GLRX: variants seen among roughly 807,000 people sequenced by gnomAD.
The protein encoded by GLRX is glutaredoxin-1.
A neutral mutation model predicts 11.1 loss-of-function variants in GLRX; 9 were observed. The ratio of observed to expected loss-of-function variants is 0.81; its 90% confidence interval spans 0.49 to 1.42. The LOEUF (loss-of-function observed/expected upper bound fraction) is 1.42, where lower values mean the gene tolerates loss of function less well. Ranked by LOEUF, GLRX falls within the 40% of genes most tolerant of loss-of-function variation. GLRX has a pLI of 0.00. For missense variants in GLRX, 102 were observed against 126.2 expected (o/e 0.81, Z 0.92); for synonymous variants, 49 against 49.5 (o/e 0.99, Z 0.04).
chr5:95,820,373 A>C (rs1369816532), intron 1 of GLRX, among the ~76,000 whole-genome samples: 1 of 150,944 alleles, frequency 6.6e-6, no homozygotes, highest in Non-Finnish European at 1.5e-5. Context: ...AAAAAAAAAA[A>C]AACCTTAAAA....
At chr5:95,819,149 C>G (rs2112867248) in intron 1 of GLRX, 1 of 152,290 alleles carries the variant, frequency 6.6e-6, no homozygotes, top group East Asian at 1.9e-4. Flanking sequence ...TTGTTTGTCT[C>G]CCCCACTAGA....
chr5:95,816,219 CTAAAATA>C (rs749391860), intron 2 of GLRX, among the ~76,000 whole-genome samples: 12 of 152,290 alleles, frequency 7.9e-5, no homozygotes, highest in South Asian at 2.1e-4. Flanking sequence ...GTCTACCTCT[CTAAAATA>C]TAAGTTCCAG....
intron 1 of GLRX, among the ~76,000 whole-genome samples, chr5:95,819,897 C>CAAAA (rs35347478): frequency 0.054 from 2,890 of 53,986 alleles, 278 homozygotes; most frequent in Non-Finnish European, 0.06. Context: ...GACTCCGTCT[C>CAAAA]AAAAAAAAAA....
rs4561 is a variant in GLRX at position 95,816,609 on chromosome 5, A to G, written c.225T>C (p.Ile75=). 621,181 of 1,580,096 alleles carry G rather than the reference A, an allele frequency of 0.39. 125,296 individuals carry two copies. The highest frequency in any genetic ancestry group is 0.47 in the Middle Eastern group (2,828 of 5,986). Residue 75 remains isoleucine, a synonymous_variant, in exon 2 of 3, where the codon ATT becomes ATC. Transcript: ENST00000237858. ...TGCATCCGCCTATACAATCTTTACC[A>G]ATAAAGACTCGAGGCACCTAAAAAA... ...TGARTVPRVF[I]GKDCIGGCSD...
Position 95,814,306 on chromosome 5 carries a change from C to G in GLRX, c.*90G>C, listed in dbSNP as rs1746903189. On this transcript the variant is annotated 3_prime_UTR_variant, in exon 3 of 3. Coordinates refer to ENST00000237858, the MANE Select transcript of GLRX (RefSeq NM_001118890.2). ...ACTTGTGCCTCTGATCCATATGACA[C>G]CAAGACCAACTATGCTTTTCATATG... The G allele has an allele frequency of 6.6e-6, 1 of 152,654 alleles. No individual in the cohort carries two copies. Among genetic ancestry groups the G allele is most frequent in the Admixed American group, 6.5e-5 (1 of 15,274 alleles). The allele number at this position is 152,654 out of a possible 1,614,324, so 9.5% of individuals were successfully genotyped here.
chr5:95,819,928 G>A (rs1056554026), intron 1 of GLRX, among the ~76,000 whole-genome samples: 5 of 135,198 alleles, frequency 3.7e-5, no homozygotes, highest in South Asian at 4.8e-4. Flanking sequence ...AAAAACCCTC[G>A]GGAGCTTTCA....
chr5:95,822,597 G>T lies in GLRX; in HGVS notation c.66C>A (p.Thr22=). Residue 22 remains threonine, a synonymous_variant, in exon 1 of 3, where the codon ACC becomes ACA. Transcript: ENST00000237858. ...PGKVVVFIKP[T]CPYCRRAQEI... is the part of the protein sequence containing the mutation. Reference sequence around the variant, plus strand: ...CTTGGGCCCTCCTGCAGTACGGGCAGGTGGGCTTGATGAACACAACCACCT... The same window carrying T: ...CTTGGGCCCTCCTGCAGTACGGGCATGTGGGCTTGATGAACACAACCACCT... 1 of 1,613,954 alleles carries T rather than the reference G, an allele frequency of 6.2e-7. No homozygotes were observed. Among genetic ancestry groups the T allele is most frequent in the Non-Finnish European group, 8.5e-7 (1 of 1,179,834 alleles).
Position 95,822,594 on chromosome 5 carries a change from G to T in GLRX, c.69C>A (p.Cys23Ter), listed in dbSNP as rs748989903. ...GKVVVFIKPT[C>*]PYCRRAQEIL... is the part of the protein sequence containing the mutation. Reference sequence around the variant, plus strand: ...TCTCTTGGGCCCTCCTGCAGTACGGGCAGGTGGGCTTGATGAACACAACCA... The same window carrying T: ...TCTCTTGGGCCCTCCTGCAGTACGGTCAGGTGGGCTTGATGAACACAACCA... The change falls in exon 1 of 3, where the codon TGC (cysteine) becomes TGA (stop). Residue 23 changes from cysteine to a stop codon, truncating the protein, a stop_gained. Coordinates refer to ENST00000237858, the MANE Select transcript of GLRX (RefSeq NM_001118890.2). LOFTEE classifies it high-confidence loss of function. 6.2e-7 allele frequency: 1 copy of T among 1,613,758 alleles called. No homozygotes were observed. Among genetic ancestry groups the T allele is most frequent in the African/African-American group, 1.3e-5 (1 of 74,898 alleles).
intron 2 of GLRX, among the ~76,000 whole-genome samples, chr5:95,815,633 G>T (rs182317550): frequency 3.9e-5 from 6 of 152,206 alleles, no homozygotes; most frequent in African/African-American, 1.4e-4. Flanking sequence ...GCTAGCTAGC[G>T]CTAGCTGTGC....
intron 1 of GLRX, chr5:95,819,400 GA>G (rs1747129694): frequency 6.6e-6 from 1 of 152,192 alleles, no homozygotes; most frequent in Non-Finnish European, 1.5e-5. Flanking sequence ...AGAGAGAAGG[GA>G]AATGATATAG....
In GLRX at chr5:95,822,715, G is replaced by T; in HGVS notation, c.-53C>A. On this transcript the variant is annotated 5_prime_UTR_variant, in exon 1 of 3. Transcript: ENST00000237858. ...GAATCCTCAGTTGCAGGTATTGCTT[G>T]GGGTATTGAGCCCCGACCCAGCCAG... The T allele has an allele frequency of 1.3e-6, 2 of 1,486,228 alleles. No individual in the cohort carries two copies. The highest frequency in any genetic ancestry group is 1.9e-6 in the Non-Finnish European group (2 of 1,070,728). 92.1% of individuals were successfully genotyped at this position (1,486,228 alleles called of 1,614,324 possible).
intron 2 of GLRX, 171 bp downstream of exon 2, chr5:95,816,336 C>T (rs557330320): frequency 3.8e-4 from 206 of 547,272 alleles, no homozygotes; most frequent in African/African-American, 3.3e-3. Flanking sequence ...CTCATTGACA[C>T]GATCTCTTTG....
Position 95,816,611 on chromosome 5 carries a change from T to C in GLRX, c.223A>G (p.Ile75Val), listed in dbSNP as rs1747008382. Residue 75 changes from isoleucine to valine, a missense_variant, in exon 2 of 3, where the codon ATT (isoleucine) becomes GTT (valine). Physicochemically the swap from Ile to Val is conservative, Grantham distance 29. Coordinates refer to ENST00000237858, the MANE Select transcript of GLRX (RefSeq NM_001118890.2). The part of the protein sequence containing the change: ...TGARTVPRVF[I>V]GKDCIGGCSD... ...CATCCGCCTATACAATCTTTACCAA[T>C]AAAGACTCGAGGCACCTAAAAAAGC... The C allele has an allele frequency of 6.3e-7, 1 of 1,581,536 alleles. No individual in the cohort carries two copies. The highest frequency in any genetic ancestry group is 2.2e-5 in the East Asian group (1 of 44,786).
At chr5:95,820,691 CA>C (rs60659232) in intron 1 of GLRX, among the ~76,000 whole-genome samples, 225 of 106,106 alleles carry the variant, frequency 2.1e-3, no homozygotes, top group Non-Finnish European at 1.8e-3. Flanking sequence ...AATTCCATCT[CA>C]AAAAAAAAAA....
chr5:95,816,590 C>T lies in GLRX; in HGVS notation c.244G>A (p.Gly82Arg), dbSNP rs748541821. The T allele has an allele frequency of 6.2e-6, 10 of 1,608,372 alleles. No individual in the cohort carries two copies. Among genetic ancestry groups the T allele is most frequent in the East Asian group, 2.2e-5 (1 of 44,862 alleles). The change falls in exon 2 of 3, where the codon GGA (glycine) becomes AGA (arginine). Residue 82 changes from glycine to arginine, a missense_variant. Physicochemically the swap from Gly to Arg is moderately radical, Grantham distance 125. Transcript: ENST00000237858. ...RVFIGKDCIG[G>R]CSDLVSLQQS... ...TGCAAAGAGACTAGATCACTGCATCCGCCTATACAATCTTTACCAATAAAG... is the reference window on the plus strand; with the variant it reads ...TGCAAAGAGACTAGATCACTGCATCTGCCTATACAATCTTTACCAATAAAG...
At chr5:95,815,704 G>A (rs948498388) in intron 2 of GLRX, among the ~76,000 whole-genome samples, 3 of 152,188 alleles carry the variant, frequency 2.0e-5, no homozygotes, top group Non-Finnish European at 2.9e-5. Context: ...CTTCTGAAAT[G>A]TTCATCGCCC....
intron 1 of GLRX, 130 bp downstream of exon 1, chr5:95,822,326 C>A (rs1028115081): frequency 1.0e-4 from 66 of 628,754 alleles, no homozygotes; most frequent in African/African-American, 6.8e-4. Flanking sequence ...CTCCCCCACA[C>A]CCCCCGCCCC....
intron 2 of GLRX, 171 bp downstream of exon 2, chr5:95,816,336 C>G (rs557330320): frequency 8.4e-5 from 46 of 547,154 alleles, no homozygotes; most frequent in Non-Finnish European, 1.5e-4. Context: ...CTCATTGACA[C>G]GATCTCTTTG....
At chr5:95,816,346 G>C in intron 2 of GLRX, 161 bp downstream of exon 2, 3 of 568,718 alleles carry the variant, frequency 5.3e-6, no homozygotes, top group South Asian at 4.3e-5. Context: ...CGATCTCTTT[G>C]TAAAGTGTGA....
Sources: allele counts gnomAD v4.1 joint callset (sites outside exome capture counted in the v4.1 genomes callset), GRCh38; gene constraint gnomAD v4.1.1; transcripts MANE v1.5; gene names NCBI Gene and HGNC (gene_info 2026-07-23, HGNC 2026-07-21).